SYCP1: variants seen among roughly 807,000 people sequenced by gnomAD.
The protein encoded by SYCP1 is synaptonemal complex protein 1, also known as cancer/testis antigen 8.
Under a neutral mutation model 153.1 loss-of-function variants are expected in SYCP1, and 64 were observed. The observed-to-expected ratio is 0.42, with a 90% confidence interval of 0.34 to 0.51. The LOEUF (loss-of-function observed/expected upper bound fraction) is 0.51, where lower values mean the gene tolerates loss of function less well. Ranked by LOEUF, SYCP1 falls within the 20% of genes least tolerant of loss-of-function variation. The probability of loss-of-function intolerance (pLI) is 0.06; values close to 1 mark genes in which losing one functional copy is unlikely to be tolerated. For missense variants in SYCP1, 997 were observed against 1,049.0 expected (o/e 0.95, Z 0.68); for synonymous variants, 384 against 341.8 (o/e 1.12, Z -1.36).
At chr1:114,950,354 T>C (rs1671015607) in intron 27 of SYCP1, among the ~76,000 whole-genome samples, 1 of 152,222 alleles carries the variant, frequency 6.6e-6, no homozygotes, top group African/African-American at 2.4e-5. Flanking sequence ...TCTGGGGTTG[T>C]TACTACAGTG....
chr1:114,989,187 CA>C (rs532962963), intron 30 of SYCP1, among the ~76,000 whole-genome samples: 2 of 150,912 alleles, frequency 1.3e-5, no homozygotes, highest in Admixed American at 6.6e-5. Flanking sequence ...AACAAAAAAC[CA>C]AAAAAAACCC....
At chr1:114,972,569 A>G (rs1486467379) in intron 27 of SYCP1, among the ~76,000 whole-genome samples, 2 of 151,912 alleles carry the variant, frequency 1.3e-5, no homozygotes, top group African/African-American at 4.8e-5. Context: ...TTAGTACTGC[A>G]TTTGCTGTAT....
At chr1:114,857,158 G>GAGAAAAAAAAAAAAAAAAAAAAAA in intron 3 of SYCP1, 74 bp from the exon 4 acceptor site, 1 of 474,180 alleles carries the variant, frequency 2.1e-6, no homozygotes, top group South Asian at 3.7e-5. Flanking sequence ...AAAAAAAAAA[G>GAGAAAAAAAAAAAAAAAAAAAAAA]AGAAAAAAGA....
chr1:114,859,042 A>G (rs1241553232), intron 6 of SYCP1, among the ~76,000 whole-genome samples: 4 of 152,164 alleles, frequency 2.6e-5, no homozygotes, highest in African/African-American at 4.8e-5. Context: ...CTTAGATTAC[A>G]ATAGTTGTAG....
At chr1:114,898,703 G>T (rs1012649663) in intron 16 of SYCP1, among the ~76,000 whole-genome samples, 13 of 152,142 alleles carry the variant, frequency 8.5e-5, no homozygotes, top group South Asian at 8.3e-4. Context: ...TGAGTTGTTT[G>T]CAAAATAGAC....
chr1:114,859,708 C>A, intron 6 of SYCP1, 35 bp from the exon 7 acceptor site: 1 of 993,892 alleles, frequency 1.0e-6, no homozygotes, highest in Non-Finnish European at 1.3e-6. Context: ...TGCTAATAAG[C>A]AAAATGGGAT....
intron 15 of SYCP1, among the ~76,000 whole-genome samples, chr1:114,893,601 G>GT (rs1236413458): frequency 1.1e-4 from 17 of 152,038 alleles, no homozygotes; most frequent in East Asian, 1.9e-4. Flanking sequence ...TTGGGTTTTA[G>GT]TTTTTTTCAC....
intron 20 of SYCP1, among the ~76,000 whole-genome samples, chr1:114,920,731 C>A (rs576602755): frequency 6.6e-6 from 1 of 152,156 alleles, no homozygotes; most frequent in African/African-American, 2.4e-5. Context: ...TATATAATGA[C>A]CTTCTTTGTC....
At chr1:114,893,937 C>T (rs1034463219) in intron 15 of SYCP1, among the ~76,000 whole-genome samples, 2 of 151,386 alleles carry the variant, frequency 1.3e-5, no homozygotes, top group East Asian at 1.9e-4. Context: ...TCTTGTTCCA[C>T]ATAGCCTTCA....
In SYCP1 at chr1:114,876,751, G is replaced by T; in HGVS notation, c.742G>T (p.Glu248Ter). 1 of 1,388,222 alleles carries T rather than the reference G, an allele frequency of 7.2e-7. No homozygotes were observed. Among genetic ancestry groups the T allele is most frequent in the Non-Finnish European group, 9.4e-7 (1 of 1,063,678 alleles). 86.0% of individuals were successfully genotyped at this position (1,388,222 alleles called of 1,614,324 possible). A position where few individuals can be genotyped will look rare whatever the true frequency, so the allele number is the denominator to read the frequency against. ...EMHFKLKEDYEKIQHLEQEYK... is the reference protein window; with the variant it reads ...EMHFKLKEDY ...TATTTTTAAAGTAAAGGAAGATTAT[G>T]AAAAAATCCAACACCTTGAACAAGA... The change falls in exon 11 of 32, where the codon GAA (glutamate) becomes TAA (stop). Residue 248 changes from glutamate (E) to a stop codon, truncating the protein, a stop_gained. Coordinates refer to ENST00000369522, the MANE Select transcript of SYCP1 (RefSeq NM_003176.4). LOFTEE classifies it high-confidence loss of function.
chr1:114,953,667 T>C (rs1671250869), intron 27 of SYCP1, among the ~76,000 whole-genome samples: 1 of 152,242 alleles, frequency 6.6e-6, no homozygotes, highest in African/African-American at 2.4e-5. Context: ...TCTATGTGTC[T>C]CTTCACCAAT....
intron 28 of SYCP1, 23 bp downstream of exon 28, chr1:114,977,639 G>C (rs1672887524): frequency 7.2e-7 from 1 of 1,387,106 alleles, no homozygotes; most frequent in Non-Finnish European, 9.7e-7. Context: ...AATTCTCATA[G>C]TTTTAAAATA....
At chr1:114,937,666 C>A (rs924664827) in intron 23 of SYCP1, among the ~76,000 whole-genome samples, 1 of 152,072 alleles carries the variant, frequency 6.6e-6, no homozygotes, top group Non-Finnish European at 1.5e-5. Context: ...GGCTAATATC[C>A]AGAATCTACA....
At chr1:114,981,598 A>G (rs1395487578) in intron 29 of SYCP1, 86 bp downstream of exon 29, 2 of 1,142,522 alleles carry the variant, frequency 1.8e-6, no homozygotes, top group East Asian at 2.7e-5. Context: ...GGCATCACGC[A>G]CACATATATA....
At chr1:114,898,644 C>T (rs1211320391) in intron 16 of SYCP1, among the ~76,000 whole-genome samples, 1 of 152,120 alleles carries the variant, frequency 6.6e-6, no homozygotes, top group African/African-American at 2.4e-5. Flanking sequence ...AACATAATTT[C>T]TCTCTCTCCA....
intron 20 of SYCP1, among the ~76,000 whole-genome samples, chr1:114,920,437 G>A (rs1668791539): frequency 6.6e-6 from 1 of 152,232 alleles, no homozygotes; most frequent in South Asian, 2.1e-4. Flanking sequence ...GTGCTTAGGA[G>A]AAGGATGTTT....
At chr1:114,991,213 CAT>C (rs1673899460) in intron 30 of SYCP1, among the ~76,000 whole-genome samples, 1 of 151,864 alleles carries the variant, frequency 6.6e-6, no homozygotes, top group East Asian at 1.9e-4. Flanking sequence ...AAAAATTTGA[CAT>C]ATATGTTAAG....
chr1:114,971,955 CT>C (rs1328585176), intron 27 of SYCP1, among the ~76,000 whole-genome samples: 1 of 152,080 alleles, frequency 6.6e-6, no homozygotes, highest in East Asian at 1.9e-4. Flanking sequence ...AAGTAACCCC[CT>C]CTCCTCTATT....
intron 30 of SYCP1, among the ~76,000 whole-genome samples, chr1:114,994,022 G>A (rs1218590577): frequency 6.6e-6 from 1 of 150,754 alleles, no homozygotes; most frequent in Non-Finnish European, 1.5e-5. Flanking sequence ...TGTCCTCAAG[G>A]TTTATCTATG....
Sources: allele counts gnomAD v4.1 joint callset (sites outside exome capture counted in the v4.1 genomes callset), GRCh38; gene constraint gnomAD v4.1.1; transcripts MANE v1.5; gene names NCBI Gene and HGNC (gene_info 2026-07-23, HGNC 2026-07-21).